The following TSHR variants were observed in gnomAD, a reference collection of about 807,000 sequenced individuals.
The protein encoded by TSHR is thyroid stimulating hormone receptor.
TSHR carries 51 observed loss-of-function variants against 64.1 expected under a neutral mutation model. The ratio of observed to expected loss-of-function variants is 0.80; its 90% confidence interval spans 0.64 to 1.01. The LOEUF is 1.01. Ranked by LOEUF, TSHR falls within the 50% of genes least tolerant of loss-of-function variation. TSHR has a pLI of 0.00. For synonymous variants in TSHR, 361 were observed against 361.9 expected (o/e 1.00, Z 0.03); for missense variants, 877 against 942.8 (o/e 0.93, Z 0.91).
chr14:81,144,070 C>G lies in TSHR; in HGVS notation c.2012C>G (p.Ser671Cys), dbSNP rs757598577. ...CTGGTACTCTTCTATCCACTTAACT[C>G]CTGTGCCAATCCATTCCTCTATGCT... ...ILLVLFYPLN[S>C]CANPFLYAIF... Residue 671 changes from serine to cysteine, a missense_variant, in exon 10 of 10, where the codon TCC becomes TGC. Transcript: ENST00000298171. 1.2e-6 allele frequency: 2 copies of G among 1,614,170 alleles called. No individual in the cohort carries two copies. The highest frequency in any genetic ancestry group is 1.1e-5 in the South Asian group (1 of 91,078).
intron 1 of TSHR, 150 bp downstream of exon 1, chr14:80,956,000 G>A (rs1886657208): frequency 3.2e-6 from 3 of 943,948 alleles, no homozygotes; most frequent in Admixed American, 4.0e-5. Flanking sequence ...GTAGATGTGT[G>A]TGTGTGCTAA....
intron 1 of TSHR, among the ~76,000 whole-genome samples, chr14:80,961,977 A>G (rs1346553584): frequency 2.6e-5 from 4 of 152,198 alleles, no homozygotes; most frequent in Admixed American, 2.0e-4. Context: ...ATTAAACTTT[A>G]TAAGTACCAG....
At chr14:80,962,574 A>G (rs937380753) in intron 1 of TSHR, among the ~76,000 whole-genome samples, 1 of 152,244 alleles carries the variant, frequency 6.6e-6, no homozygotes, top group Admixed American at 6.5e-5. Context: ...ATTTCCAAGT[A>G]AAGTCACATT....
chr14:81,012,984 G>C (rs1279759349), intron 1 of TSHR: 1 of 152,136 alleles, frequency 6.6e-6, no homozygotes, highest in Non-Finnish European at 1.5e-5. Flanking sequence ...TGTTGCTATT[G>C]CTTTTGGTGT....
chr14:81,073,312 C>A (rs1348852431), intron 3 of TSHR, among the ~76,000 whole-genome samples: 1 of 151,406 alleles, frequency 6.6e-6, no homozygotes, highest in Non-Finnish European at 1.5e-5. Flanking sequence ...AACAAGCATA[C>A]CAAAATAGTA....
intron 8 of TSHR, among the ~76,000 whole-genome samples, chr14:81,128,506 C>A (rs1349147721): frequency 6.6e-6 from 1 of 152,192 alleles, no homozygotes; most frequent in African/African-American, 2.4e-5. Context: ...TAAATTTCTG[C>A]TTAAAAGCCT....
chr14:81,004,603 G>A (rs965119848), intron 1 of TSHR, among the ~76,000 whole-genome samples: 1 of 152,120 alleles, frequency 6.6e-6, no homozygotes, highest in Non-Finnish European at 1.5e-5. Flanking sequence ...ATTTACCAAA[G>A]ACAGTTAGGT....
intron 1 of TSHR, among the ~76,000 whole-genome samples, chr14:80,977,628 T>A (rs1341338913): frequency 6.6e-6 from 1 of 152,188 alleles, no homozygotes; most frequent in Non-Finnish European, 1.5e-5. Context: ...CCAAACTACC[T>A]CTTTTTTCAC....
chr14:81,005,197 TTGTGTGTGTGTG>T (rs71103894), intron 1 of TSHR, among the ~76,000 whole-genome samples: 3,465 of 149,826 alleles, frequency 0.023, 41 homozygotes, highest in Middle Eastern at 0.045. Flanking sequence ...ACTCAAGCCT[TTGTGTGTGTGTG>T]TGTGTGTGTG....
At chr14:81,015,945 T>C (rs1168545177) in intron 1 of TSHR, among the ~76,000 whole-genome samples, 6 of 152,144 alleles carry the variant, frequency 3.9e-5, no homozygotes, top group Non-Finnish European at 1.5e-5. Context: ...TTGTTGCAAA[T>C]GACAGGATTT....
intron 8 of TSHR, among the ~76,000 whole-genome samples, chr14:81,109,352 C>G (rs922743707): frequency 2.0e-5 from 3 of 151,724 alleles, no homozygotes; most frequent in African/African-American, 7.3e-5. Flanking sequence ...GAGCTTGCAG[C>G]GAGCCCAGAT....
intron 3 of TSHR, among the ~76,000 whole-genome samples, chr14:81,075,333 A>T (rs142710210): frequency 6.6e-6 from 1 of 152,204 alleles, no homozygotes; most frequent in South Asian, 2.1e-4. Context: ...TTAATGAATT[A>T]TTCTTTGCTC....
intron 1 of TSHR, among the ~76,000 whole-genome samples, chr14:81,026,658 A>G (rs1442636847): frequency 6.6e-6 from 1 of 152,204 alleles, no homozygotes; most frequent in African/African-American, 2.4e-5. Flanking sequence ...ATTTAAAAAA[A>G]GATAAGGCAA....
chr14:80,994,194 T>C (rs1291982700), intron 1 of TSHR: 1 of 152,074 alleles, frequency 6.6e-6, no homozygotes, highest in East Asian at 1.9e-4. Flanking sequence ...GCTTACTTTA[T>C]TGTAAAAGTA....
chr14:81,003,528 G>A (rs1889450847), intron 1 of TSHR: 1 of 223,316 alleles, frequency 4.5e-6, no homozygotes. Context: ...TTTCATATAT[G>A]CACACCCTTG....
chr14:81,063,639 A>C (rs1364723585), intron 2 of TSHR, among the ~76,000 whole-genome samples: 53 of 152,022 alleles, frequency 3.5e-4, no homozygotes, highest in Admixed American at 3.5e-3. Flanking sequence ...CTTGGCCATT[A>C]CTTCATTCAT....
chr14:81,015,871 C>T (rs528904960), intron 1 of TSHR, among the ~76,000 whole-genome samples: 13 of 151,968 alleles, frequency 8.6e-5, no homozygotes, highest in Non-Finnish European at 1.3e-4. Context: ...TGAGATCATG[C>T]GGTATTTGTC....
intron 1 of TSHR, among the ~76,000 whole-genome samples, chr14:81,054,055 C>T (rs1322806138): frequency 1.3e-5 from 2 of 152,136 alleles, no homozygotes; most frequent in Admixed American, 1.3e-4. Flanking sequence ...GACTGTGTCC[C>T]CACTCAAATC....
At chr14:81,115,202 G>T (rs1595139129) in intron 8 of TSHR, among the ~76,000 whole-genome samples, 1 of 152,214 alleles carries the variant, frequency 6.6e-6, no homozygotes, top group East Asian at 1.9e-4. Flanking sequence ...CGAGCTGAGA[G>T]AAGAAGGCTT....
Sources: gnomAD v4.1 joint callset for allele counts (sites outside exome capture counted in the v4.1 genomes callset) on GRCh38, gnomAD v4.1.1 for gene constraint, MANE v1.5 for transcripts, NCBI Gene and HGNC (gene_info 2026-07-23, HGNC 2026-07-21) for gene names.